The following GLI2 variants were observed in gnomAD, a reference collection of about 807,000 sequenced individuals.
The protein encoded by GLI2 is GLI family zinc finger 2, also known as transcription activator GLI2.
GLI2 carries 22 observed loss-of-function variants against 78.9 expected under a neutral mutation model. The ratio of observed to expected loss-of-function variants is 0.28; its 90% confidence interval spans 0.20 to 0.40. The LOEUF (loss-of-function observed/expected upper bound fraction) is 0.40. Among genes scored for constraint, GLI2 ranks in the 10% least tolerant of loss-of-function variants. The probability of loss-of-function intolerance (pLI) is 1.00; values close to 1 mark genes in which losing one functional copy is unlikely to be tolerated. For synonymous variants in GLI2, 974 were observed against 963.7 expected (o/e 1.01, Z -0.20); for missense variants, 2,097 against 2,213.2 (o/e 0.95, Z 1.05).
chr2:120,951,555 G>A (rs1048762160), intron 4 of GLI2, 110 bp downstream of exon 4: 24 of 696,250 alleles, frequency 3.4e-5, no homozygotes, highest in Middle Eastern at 3.9e-4. Context: ...CCCTTGAATG[G>A]TGACCAGGCT....
rs147271541 is a variant in GLI2, at chr2:120,965,681, C to T, written c.644-3033C>T. 1.2e-4 allele frequency among the ~76,000 whole-genome samples: 18 copies of T among 151,980 alleles called. No homozygotes were observed. In the East Asian group the frequency reaches 2.0e-3, roughly 17 times the overall value. ...CACTCCAGCCGGGATGCAGGTGCTG[C>T]GGCAGAGGGGCACACTCCACCCAGG... On this transcript the variant is annotated intron_variant, in intron 5 of 13. Transcript: ENST00000361492.
intron 2 of GLI2, among the ~76,000 whole-genome samples, chr2:120,923,401 A>G (rs1679493308): frequency 6.8e-6 from 1 of 146,458 alleles, no homozygotes; most frequent in African/African-American, 2.5e-5. Context: ...TGCATACAAC[A>G]TGCATGTACA....
intron 2 of GLI2, among the ~76,000 whole-genome samples, chr2:120,924,562 C>CAT (rs1175169198): frequency 5.9e-5 from 9 of 152,018 alleles, no homozygotes; most frequent in Non-Finnish European, 1.3e-4. Flanking sequence ...CACACACACA[C>CAT]ATACACACAC....
chr2:120,761,693 G>C (rs1344128728), intron 1 of GLI2, among the ~76,000 whole-genome samples: 1 of 152,134 alleles, frequency 6.6e-6, no homozygotes. Flanking sequence ...CTGCCGGCCC[G>C]TTGTTTGCTC....
intron 1 of GLI2, among the ~76,000 whole-genome samples, chr2:120,765,483 C>T (rs553107813): frequency 6.1e-4 from 93 of 152,306 alleles, no homozygotes; most frequent in African/African-American, 2.1e-3. Context: ...TTGGGAGAGC[C>T]GGAACAGAGG....
chr2:120,921,060 A>C (rs1372156182), intron 2 of GLI2, among the ~76,000 whole-genome samples: 1 of 152,088 alleles, frequency 6.6e-6, no homozygotes. Flanking sequence ...CAGAGTTGGA[A>C]AGCAGAATTT....
chr2:120,799,244 C>G (rs1684569642), intron 2 of GLI2, among the ~76,000 whole-genome samples: 1 of 152,286 alleles, frequency 6.6e-6, no homozygotes, highest in South Asian at 2.1e-4. Flanking sequence ...GCCCTCACCT[C>G]CCAACCCCAC....
intron 1 of GLI2, among the ~76,000 whole-genome samples, chr2:120,787,170 G>C (rs926672108): frequency 1.3e-5 from 2 of 152,172 alleles, no homozygotes; most frequent in Non-Finnish European, 2.9e-5. Flanking sequence ...TGTCATAGTG[G>C]GTATTGGGGA....
intron 11 of GLI2, among the ~76,000 whole-genome samples, chr2:120,983,526 G>A (rs1194250430): frequency 6.6e-6 from 1 of 152,230 alleles, no homozygotes; most frequent in Non-Finnish European, 1.5e-5. Flanking sequence ...CCCCTGGCCT[G>A]TTGGCTTGGG....
intron 5 of GLI2, among the ~76,000 whole-genome samples, chr2:120,964,356 T>C (rs1681730576): frequency 6.6e-6 from 1 of 152,032 alleles, no homozygotes; most frequent in Non-Finnish European, 1.5e-5. Context: ...GTAACAGCAG[T>C]GGGGATTTTT....
chr2:120,931,741 G>A (rs1490596470), intron 3 of GLI2, among the ~76,000 whole-genome samples: 1 of 152,222 alleles, frequency 6.6e-6, no homozygotes, highest in African/African-American at 2.4e-5. Context: ...GCTCAGAGAG[G>A]CACAGTGACT....
rs1194965005 is a variant in GLI2 at position 120,990,226 on chromosome 2, G to A, written c.4261G>A (p.Gly1421Arg). The change falls in exon 14 of 14, where the codon GGG (glycine) becomes AGG (arginine). Residue 1421 changes from glycine to arginine, a missense_variant. Physicochemically the swap from Gly to Arg is moderately radical, Grantham distance 125. Coordinates refer to ENST00000361492, the MANE Select transcript of GLI2 (RefSeq NM_001374353.1). ...CCAGCCGCCTCCGCAGGACGCAGGTGGGGCCCCGGACCACAGCATGCTCTA... is the reference window on the plus strand; with the variant it reads ...CCAGCCGCCTCCGCAGGACGCAGGTAGGGCCCCGGACCACAGCATGCTCTA... ...PPQPPPQDAG[G>R]APDHSMLYYY... is the part of the protein sequence containing the mutation. The A allele has an allele frequency of 6.2e-7, 1 of 1,613,488 alleles. No homozygotes were observed. The highest frequency in any genetic ancestry group is 8.5e-7 in the Non-Finnish European group (1 of 1,180,026).
chr2:120,836,391 G>A (rs900908944), intron 2 of GLI2, among the ~76,000 whole-genome samples: 5 of 152,108 alleles, frequency 3.3e-5, no homozygotes, highest in Non-Finnish European at 5.9e-5. Context: ...TATTCATGTC[G>A]TTACCTGAAG....
chr2:120,865,728 G>A (rs572287755), intron 2 of GLI2, among the ~76,000 whole-genome samples: 1 of 152,340 alleles, frequency 6.6e-6, no homozygotes, highest in South Asian at 2.1e-4. Context: ...ATCCCAGGAA[G>A]CCACCTGACT....
In GLI2 at chr2:120,986,315, G is replaced by A. The variant is rs1248168877; in HGVS notation, c.1943G>A (p.Ser648Asn). The A allele has an allele frequency of 6.2e-7, 1 of 1,613,478 alleles. No individual in the cohort carries two copies. Among genetic ancestry groups the A allele is most frequent in the Non-Finnish European group, 8.5e-7 (1 of 1,180,026 alleles). The change falls in exon 13 of 14, where the codon AGC becomes AAC. Residue 648 changes from serine to asparagine, a missense_variant. By Grantham distance (46) the Ser-to-Asn change is conservative. This residue lies in a region of GLI2 where 68 missense variants were observed against 104.4 expected (regional missense o/e 0.65). Transcript: ENST00000361492. ...QSSPGAQSSC[S>N]SEPSPLGSAP... is the part of the protein sequence containing the mutation. ...AGCCCCGGGGCCCAGTCGTCCTGCAGCAGCGAGCCCTCTCCTCTGGGCAGT... is the reference window on the plus strand; with the variant it reads ...AGCCCCGGGGCCCAGTCGTCCTGCAACAGCGAGCCCTCTCCTCTGGGCAGT...
At chr2:120,797,590 G>C (rs1013475534) in intron 2 of GLI2, 122 bp downstream of exon 2, 1 of 919,514 alleles carries the variant, frequency 1.1e-6, no homozygotes, top group Admixed American at 2.2e-5. Flanking sequence ...AGGGCGAAGA[G>C]GAAGGCACCT....
chr2:120,736,863 C>A (rs1682376498), intron 1 of GLI2, among the ~76,000 whole-genome samples: 2 of 142,344 alleles, frequency 1.4e-5, no homozygotes, highest in East Asian at 4.5e-4. Context: ...CTCTGCTGGG[C>A]TCTCCTCCTC....
At chr2:120,874,721 G>A (rs561200923) in intron 2 of GLI2, among the ~76,000 whole-genome samples, 4 of 152,344 alleles carry the variant, frequency 2.6e-5, no homozygotes, top group East Asian at 3.9e-4. Context: ...TCAGAAAGAC[G>A]CCTCGGCAGC....
intron 2 of GLI2, among the ~76,000 whole-genome samples, chr2:120,848,179 G>A (rs541368086): frequency 6.6e-5 from 10 of 152,328 alleles, no homozygotes; most frequent in African/African-American, 2.4e-4. Context: ...CTGAACTTGA[G>A]AAGGAAGCTC....
Sources: allele counts gnomAD v4.1 joint callset (sites outside exome capture counted in the v4.1 genomes callset), GRCh38; gene constraint gnomAD v4.1.1; regional missense constraint gnomAD v4.1.1; transcripts MANE v1.5; gene names NCBI Gene and HGNC (gene_info 2026-07-23, HGNC 2026-07-21).